Variants in TCEANC2 observed in about 807,000 individuals in gnomAD.
The protein encoded by TCEANC2 is transcription elongation factor A N-terminal and central domain-containing protein 2.
In TCEANC2, 20 loss-of-function variants were observed where a neutral mutation model predicts 22.8. That is an observed-to-expected ratio of 0.88 (90% CI 0.62 to 1.28). The LOEUF (loss-of-function observed/expected upper bound fraction) is 1.28, where lower values mean the gene tolerates loss of function less well. Among genes scored for constraint, TCEANC2 ranks in the 50% most tolerant of loss-of-function variants. The pLI is 0.00. For synonymous variants in TCEANC2, 84 were observed against 95.5 expected, an observed-to-expected ratio of 0.88 and a Z score of 0.70; for missense variants, 251 against 249.7, an observed-to-expected ratio of 1.01 and a Z score of -0.03.
intron 3 of TCEANC2, among the ~76,000 whole-genome samples, chr1:54,077,112 A>AC (rs1398136356): frequency 6.6e-6 from 1 of 152,098 alleles, no homozygotes; most frequent in Non-Finnish European, 1.5e-5. Context: ...CCTTAGAGAA[A>AC]CCTTATCAGG....
rs1348467616 is a variant in TCEANC2, at chr1:54,097,894, T to C, written c.*1421T>C. On this transcript the variant is annotated 3_prime_UTR_variant, in exon 5 of 5. Coordinates refer to ENST00000234827, the MANE Select transcript of TCEANC2 (RefSeq NM_153035.3). ...CGAGCGTTTACCCTGGGCCCAGCAC[T>C]GTGGTAACCATTTTACAAAAAGAAA... 6.6e-6 allele frequency: 1 copy of C among 152,168 alleles called. No individual in the cohort carries two copies. Among genetic ancestry groups the C allele is most frequent in the Non-Finnish European group, 1.5e-5 (1 of 68,040 alleles). The allele number at this position is 152,168 out of a possible 1,614,324, so 9.4% of individuals were successfully genotyped here. A position where few individuals can be genotyped will look rare whatever the true frequency, so the allele number is the denominator to read the frequency against.
chr1:54,108,845 G>A (rs986295267), downstream of TCEANC2, among the ~76,000 whole-genome samples: 10 of 152,204 alleles, frequency 6.6e-5, no homozygotes, highest in African/African-American at 1.7e-4. Context: ...GGTGGTGGGC[G>A]CCTGTAGTCC....
rs369114835 is a variant in TCEANC2 at position 54,068,887 on chromosome 1, A to G, written c.234A>G (p.Ser78=). The change falls in exon 3 of 5, where the codon TCA becomes TCG. Residue 78 remains serine (S), a synonymous_variant. Transcript: ENST00000234827. ...KKIPSREVLK[S]TRIGHTVNKM... ...TACCCTCCAGGGAAGTGTTAAAATCAACAAGGATAGGTATATTCCTTCTTA... is the reference window on the plus strand; with the variant it reads ...TACCCTCCAGGGAAGTGTTAAAATCGACAAGGATAGGTATATTCCTTCTTA... The G allele has an allele frequency of 6.3e-5, 101 of 1,593,878 alleles. No individual in the cohort carries two copies. Among genetic ancestry groups the G allele is most frequent in the Non-Finnish European group, 8.3e-5 (98 of 1,174,510 alleles).
At chr1:54,071,161 T>G (rs958159220) in intron 3 of TCEANC2, among the ~76,000 whole-genome samples, 2 of 152,242 alleles carry the variant, frequency 1.3e-5, no homozygotes, top group African/African-American at 4.8e-5. Context: ...GAAGGTTCTT[T>G]GTAAGCCATT....
chr1:54,069,178 G>A (rs1298942846), intron 3 of TCEANC2, among the ~76,000 whole-genome samples: 9 of 152,196 alleles, frequency 5.9e-5, no homozygotes, highest in Non-Finnish European at 1.2e-4. Flanking sequence ...TACTATGAAA[G>A]TTTCTAAATG....
At chr1:54,071,293 G>A (rs1052624718) in intron 3 of TCEANC2, among the ~76,000 whole-genome samples, 1 of 152,160 alleles carries the variant, frequency 6.6e-6, no homozygotes, top group Non-Finnish European at 1.5e-5. Context: ...TGAGAATCCA[G>A]GAGCAGCTTA....
intron 2 of TCEANC2, among the ~76,000 whole-genome samples, chr1:54,063,763 A>T (rs1657899194): frequency 6.6e-6 from 1 of 152,192 alleles, no homozygotes; most frequent in Non-Finnish European, 1.5e-5. Context: ...TCAATCTGTA[A>T]TACCTAATAC....
intron 4 of TCEANC2, among the ~76,000 whole-genome samples, chr1:54,091,025 G>A (rs1658435976): frequency 6.6e-6 from 1 of 152,082 alleles, no homozygotes; most frequent in Admixed American, 6.5e-5. Context: ...TTAAAAAAGT[G>A]ATATGTTTGT....
intron 1 of TCEANC2, chr1:54,054,108 T>C: frequency 1.9e-6 from 1 of 520,404 alleles, no homozygotes; most frequent in Non-Finnish European, 3.1e-6. Context: ...GATTCCAATA[T>C]TGGGCCAATT....
At position 54,096,668 on chromosome 1, in the gene TCEANC2, G is replaced by C. The variant is rs1200473155; in HGVS notation, c.*195G>C. The C allele has an allele frequency of 7.8e-7, 1 of 1,278,254 alleles. No individual in the cohort carries two copies. The highest frequency in any genetic ancestry group is 1.5e-5 in the African/African-American group (1 of 67,318). 79.2% of individuals were successfully genotyped at this position (1,278,254 alleles called of 1,614,324 possible). A position where few individuals can be genotyped will look rare whatever the true frequency, so the allele number is the denominator to read the frequency against. On this transcript the variant is annotated 3_prime_UTR_variant, in exon 5 of 5. Transcript: ENST00000234827. The surrounding 1 kb of genome is among the most constrained non-coding windows in gnomAD (Gnocchi z 4.9). ...GCAGGAATGTGCTTCATTAGCTGCA[G>C]TGCGCTGGTGCTGCCTAACAGAACG...
downstream of TCEANC2, among the ~76,000 whole-genome samples, chr1:54,106,708 G>C (rs1424368701): frequency 6.6e-6 from 1 of 151,202 alleles, no homozygotes; most frequent in African/African-American, 2.4e-5. Context: ...TGTACACTAT[G>C]AACTATTTAT....
rs896591013 is a variant in TCEANC2, at chr1:54,102,486, T to C, written c.*6013T>C. The C allele has an allele frequency of 1.3e-5, 2 of 152,204 alleles. No individual in the cohort carries two copies. Among genetic ancestry groups the C allele is most frequent in the South Asian group, 2.1e-4 (1 of 4,830 alleles). The allele number at this position is 152,204 out of a possible 1,614,324, so 9.4% of individuals were successfully genotyped here. A position where few individuals can be genotyped will look rare whatever the true frequency, so the allele number is the denominator to read the frequency against. ...CAAGTTGACCATGTGACCAAAGCTG[T>C]TCATCATGAGCTGGATTCTGCCATA... On this transcript the variant is annotated 3_prime_UTR_variant, in exon 5 of 5. Transcript: ENST00000234827.
downstream of TCEANC2, among the ~76,000 whole-genome samples, chr1:54,107,226 G>T (rs1236841598): frequency 6.6e-6 from 1 of 152,078 alleles, no homozygotes; most frequent in Non-Finnish European, 1.5e-5. Context: ...CAGGTGTTTC[G>T]TAGACTGTCC....
intron 4 of TCEANC2, 129 bp downstream of exon 4, chr1:54,088,919 T>A (rs1352452914): frequency 3.9e-6 from 2 of 514,358 alleles, no homozygotes; most frequent in Non-Finnish European, 6.4e-6. Context: ...CATAATTTCA[T>A]AATTAAGATT....
intron 2 of TCEANC2, among the ~76,000 whole-genome samples, chr1:54,056,343 C>G: frequency 6.6e-6 from 1 of 151,318 alleles, no homozygotes; most frequent in South Asian, 2.1e-4. Context: ...GAGTTTTGCA[C>G]TGTCGCCCCG....
rs558699378 is a variant in TCEANC2, at chr1:54,103,674, G to C, written c.*7201G>C. 6.6e-6 allele frequency: 1 copy of C among 152,310 alleles called. No homozygotes were observed. Among genetic ancestry groups the C allele is most frequent in the African/African-American group, 2.4e-5 (1 of 41,548 alleles). 9.4% of individuals were successfully genotyped at this position (152,310 alleles called of 1,614,324 possible). On this transcript the variant is annotated 3_prime_UTR_variant, in exon 5 of 5. Transcript: ENST00000234827. ...CTGAGTGTTCGGCCTGCCAGTAACA[G>C]AGACCAACTCTGAACCTAGATATAG...
At chr1:54,066,133 T>C (rs974431910) in intron 2 of TCEANC2, among the ~76,000 whole-genome samples, 1 of 151,890 alleles carries the variant, frequency 6.6e-6, no homozygotes, top group Non-Finnish European at 1.5e-5. Context: ...GCGCCTGTAC[T>C]CCCAGCTACT....
chr1:54,086,942 G>A (rs939684205), intron 3 of TCEANC2, among the ~76,000 whole-genome samples: 1 of 152,110 alleles, frequency 6.6e-6, no homozygotes, highest in Non-Finnish European at 1.5e-5. Flanking sequence ...TAAGGAAGTG[G>A]GCACAAACAG....
rs192113639 is a variant in TCEANC2 at position 54,060,703 on chromosome 1, G to C, written c.102+6179G>C. On this transcript the variant is annotated intron_variant, in intron 2 of 4. Transcript: ENST00000234827. ...ACCTGTAATCTCAGCATTTTGGGAG[G>C]CTGAGGTGGGCAGATCACCTGAGGT... Among the ~76,000 whole-genome samples, 859 of 152,222 alleles carry C rather than the reference G, an allele frequency of 5.6e-3. 8 individuals are homozygous for C. The highest frequency in any genetic ancestry group is 0.02 in the African/African-American group (817 of 41,540).
Sources: gnomAD v4.1 joint callset for allele counts (sites outside exome capture counted in the v4.1 genomes callset) on GRCh38, gnomAD v4.1.1 for gene constraint, Gnocchi (gnomAD v3.1) non-coding constraint, MANE v1.5 for transcripts, NCBI Gene and HGNC (gene_info 2026-07-23, HGNC 2026-07-21) for gene names.